TSFM: variants seen among roughly 807,000 people sequenced by gnomAD.
TSFM encodes the protein elongation factor Ts, mitochondrial.
TSFM carries 29 observed loss-of-function variants against 33.4 expected under a neutral mutation model. The ratio of observed to expected loss-of-function variants is 0.87; its 90% CI spans 0.65 to 1.18. The LOEUF (loss-of-function observed/expected upper bound fraction) is 1.18. Ranked by LOEUF, TSFM falls within the 50% of genes most tolerant of loss-of-function variation. TSFM has a pLI of 0.00. For synonymous variants in TSFM, 178 were observed against 163.5 expected (o/e 1.09, Z -0.68); for missense variants, 394 against 395.6 (o/e 1.00, Z 0.04).
chr12:57,783,797 G>A, intron 2 of TSFM: 2 of 608,978 alleles, frequency 3.3e-6, no homozygotes, highest in Non-Finnish European at 5.8e-6. Flanking sequence ...TGTATTTTTA[G>A]TAGAGATGGG....
chr12:57,793,883 T>G (rs947124742), intron 5 of TSFM, among the ~76,000 whole-genome samples: 2 of 152,224 alleles, frequency 1.3e-5, no homozygotes, highest in Non-Finnish European at 2.9e-5. Flanking sequence ...TGATCTTTCT[T>G]TTCAAAAAAT....
intron 1 of TSFM, 32 bp from the exon 2 acceptor site, chr12:57,783,078 C>CCTGCT: frequency 6.3e-7 from 1 of 1,588,880 alleles, no homozygotes; most frequent in Non-Finnish European, 8.5e-7. Flanking sequence ...TTTGCTGCTT[C>CCTGCT]CTGCTCCTCA....
Position 57,796,350 on chromosome 12 carries a change from C to A in TSFM, c.745C>A (p.Leu249Ile). The A allele has an allele frequency of 6.2e-7, 1 of 1,607,054 alleles. No individual in the cohort carries two copies. The highest frequency in any genetic ancestry group is 2.2e-5 in the East Asian group (1 of 44,724). ...ICETSEQKTN[L>I]EDVGRRLGQH... is the part of the protein sequence containing the mutation. ...TGAGACGTCTGAACAGAAAACAAAC[C>A]TTGAAGACGTTGGCCGCCGCCTTGG... Residue 249 changes from leucine (L) to isoleucine (I), a missense_variant, in exon 6 of 6, where the codon CTT becomes ATT. Physicochemically the swap from Leu to Ile is conservative, Grantham distance 5 (BLOSUM62 2). This residue lies in a region of TSFM where 186 missense variants were observed against 198.8 expected (regional missense o/e 0.94). Coordinates refer to ENST00000652027, the MANE Select transcript of TSFM (RefSeq NM_005726.6).
chr12:57,788,181 G>A (rs1212853699), intron 4 of TSFM, among the ~76,000 whole-genome samples: 1 of 151,900 alleles, frequency 6.6e-6, no homozygotes, highest in East Asian at 1.9e-4. Flanking sequence ...ACAATGTTGA[G>A]ATTATTTTTT....
At chr12:57,790,920 G>T (rs1012894264) in intron 4 of TSFM, among the ~76,000 whole-genome samples, 14 of 150,990 alleles carry the variant, frequency 9.3e-5, no homozygotes, top group Non-Finnish European at 2.9e-5. Context: ...TGGCCAGGCT[G>T]GTCTCAAACT....
chr12:57,784,916 C>CTT lies in TSFM; in HGVS notation c.232-1220_232-1219dup, dbSNP rs1164168295. 3.6e-3 allele frequency among the ~76,000 whole-genome samples: 287 copies of CTT among 79,170 alleles called. 15 individuals carry two copies. The highest frequency in any genetic ancestry group is 4.5e-3 in the Non-Finnish European group (188 of 42,018). 51.9% of individuals were successfully genotyped at this position (79,170 alleles called of 152,430 possible). A position where few individuals can be genotyped will look rare whatever the true frequency, so the allele number is the denominator to read the frequency against. ...ACAACAACTTTTTTTATTGAAATATCTTTTTTTTTTTTTTTTTTTTTTTTT... is the reference window on the plus strand; with the variant it reads ...ACAACAACTTTTTTTATTGAAATATCTTTTTTTTTTTTTTTTTTTTTTTTTTT... On this transcript the variant is annotated intron_variant, in intron 2 of 5. Coordinates refer to ENST00000652027, the MANE Select transcript of TSFM (RefSeq NM_005726.6).
At position 57,796,917 on chromosome 12, in the gene TSFM, T is replaced by C. The variant is rs1482526032; in HGVS notation, c.*334T>C. 3.0e-6 allele frequency: 3 copies of C among 1,001,934 alleles called. No individual in the cohort carries two copies. The highest frequency in any genetic ancestry group is 1.7e-5 in the African/African-American group (1 of 57,936). 62.1% of individuals were successfully genotyped at this position (1,001,934 alleles called of 1,614,324 possible). On this transcript the variant is annotated 3_prime_UTR_variant, in exon 6 of 6. Coordinates refer to ENST00000652027, the MANE Select transcript of TSFM (RefSeq NM_005726.6). ...TTACACCTTTTATGACATAGAACTC[T>C]TTTGTTCTGTTTTTGCTTTGCGACA... is the stretch of plus-strand genomic sequence containing the variant.
At chr12:57,799,699 C>T (rs879245856), downstream of TSFM, 10 of 1,542,136 alleles carry the variant, frequency 6.5e-6, no homozygotes, top group Middle Eastern at 8.4e-4. Flanking sequence ...TGAGCGGCTA[C>T]AATGTGCCGG....
intron 4 of TSFM, chr12:57,791,988 C>A: frequency 2.9e-6 from 1 of 346,412 alleles, no homozygotes; most frequent in Non-Finnish European, 5.9e-6. Context: ...CGCCTGTAAA[C>A]CTAGCACTTT....
At chr12:57,801,913 AT>A (rs1256802725), downstream of TSFM, among the ~76,000 whole-genome samples, 1 of 152,218 alleles carries the variant, frequency 6.6e-6, no homozygotes, top group Non-Finnish European at 1.5e-5. Context: ...ATGTGTATGG[AT>A]ATACTTTATA....
At chr12:57,784,880 CA>C (rs1054885684) in intron 2 of TSFM, among the ~76,000 whole-genome samples, 26 of 108,938 alleles carry the variant, frequency 2.4e-4, no homozygotes, top group Admixed American at 3.9e-4. Flanking sequence ...AACTCTGTCT[CA>C]AAAAAAAAAA....
chr12:57,787,257 T>C (rs1310367800), intron 4 of TSFM, 95 bp downstream of exon 4: 1 of 1,250,118 alleles, frequency 8.0e-7, no homozygotes, highest in African/African-American at 1.5e-5. Context: ...CTCATTCTGT[T>C]ACTTCACATC....
At position 57,792,158 on chromosome 12, in the gene TSFM, C is replaced by T. The variant is rs553201576; in HGVS notation, c.484-828C>T. 1.3e-4 allele frequency: 21 copies of T among 156,580 alleles called. No individual in the cohort carries two copies. In the South Asian group the frequency reaches 1.8e-3, roughly 14 times the overall value. The allele number at this position is 156,580 out of a possible 1,614,324, so 9.7% of individuals were successfully genotyped here. A position where few individuals can be genotyped will look rare whatever the true frequency, so the allele number is the denominator to read the frequency against. On this transcript the variant is annotated intron_variant, in intron 4 of 5. Coordinates refer to ENST00000652027, the MANE Select transcript of TSFM (RefSeq NM_005726.6). ...ACTCGGGAGGCTGAGGCAGGAGGATCGCTTGAACCCGGGAGGTGGAGGTTG... is the reference window on the plus strand; with the variant it reads ...ACTCGGGAGGCTGAGGCAGGAGGATTGCTTGAACCCGGGAGGTGGAGGTTG...
At chr12:57,792,921 G>A (rs1955682483) in intron 4 of TSFM, 65 bp from the exon 5 acceptor site, 10 of 1,486,460 alleles carry the variant, frequency 6.7e-6, no homozygotes, top group Admixed American at 5.3e-5. Context: ...GACTATTTTT[G>A]CCTATTCTTT....
downstream of TSFM, chr12:57,802,371 T>G (rs372150429): frequency 3.8e-6 from 6 of 1,587,960 alleles, no homozygotes; most frequent in Non-Finnish European, 5.1e-6. Flanking sequence ...AGATTTAATA[T>G]ATGTTACTGT....
intron 2 of TSFM, chr12:57,783,777 T>A (rs975520211): frequency 8.5e-6 from 5 of 589,660 alleles, no homozygotes; most frequent in South Asian, 4.2e-5. Context: ...TTTTATTTTT[T>A]ATTTTTTTTT....
chr12:57,798,607 A>ATTCTT (rs1039315411), downstream of TSFM, among the ~76,000 whole-genome samples: 1 of 151,074 alleles, frequency 6.6e-6, no homozygotes, highest in South Asian at 2.1e-4. Flanking sequence ...AAAGAAATTT[A>ATTCTT]TTCTTTTCTT....
chr12:57,785,000 C>T (rs1955572111), intron 2 of TSFM, among the ~76,000 whole-genome samples: 1 of 130,348 alleles, frequency 7.7e-6, no homozygotes, highest in South Asian at 2.6e-4. Context: ...AATCTTGGCT[C>T]ACTGCAAGCT....
At chr12:57,801,123 C>G (rs1004093367), downstream of TSFM, 1 of 1,610,958 alleles carries the variant, frequency 6.2e-7, no homozygotes, top group African/African-American at 1.3e-5. Flanking sequence ...CTGGCTTCTC[C>G]CAAGAGCGAA....
Sources: gnomAD v4.1 joint callset for allele counts (sites outside exome capture counted in the v4.1 genomes callset) on GRCh38, gnomAD v4.1.1 for gene constraint, gnomAD v4.1.1 regional missense constraint, MANE v1.5 for transcripts, NCBI Gene and HGNC (gene_info 2026-07-23, HGNC 2026-07-21) for gene names.